Variants in GPSM2 observed in about 807,000 individuals in gnomAD.
GPSM2 encodes G protein-signaling modulator 2.
Under a neutral mutation model 78.4 loss-of-function variants are expected in GPSM2, and 58 were observed. The ratio of observed to expected loss-of-function variants is 0.74; its 90% CI spans 0.60 to 0.92. GPSM2 has a LOEUF of 0.92. Among genes scored for constraint, GPSM2 ranks in the 40% least tolerant of loss-of-function variants. GPSM2 has a pLI of 0.00. For missense variants in GPSM2, 700 were observed against 815.5 expected, an observed-to-expected ratio of 0.86 and a Z score of 1.73; for synonymous variants, 224 against 280.2, an observed-to-expected ratio of 0.80 and a Z score of 2.00.
chr1:108,885,543 C>T lies in GPSM2; in HGVS notation c.21C>T (p.Ser7=). The T allele has an allele frequency of 1.3e-6, 2 of 1,581,274 alleles. No individual in the cohort carries two copies. The highest frequency in any genetic ancestry group is 2.2e-5 in the South Asian group (2 of 90,368). Residue 7 remains serine, a synonymous_variant, in exon 2 of 15, where the codon AGC becomes AGT. Coordinates refer to ENST00000264126, the MANE Select transcript of GPSM2 (RefSeq NM_013296.5). ...ACTCGATGGAGGAAAATTTGATAAG[C>T]ATGAGAGAAGACCATTCTTTTCATG... MEENLI[S]MREDHSFHVR...
rs1238390197 is a variant in GPSM2 at position 108,934,520 on chromosome 1, T to C, written c.*4580T>C. On this transcript the variant is annotated 3_prime_UTR_variant, in exon 15 of 15. Coordinates refer to ENST00000264126, the MANE Select transcript of GPSM2 (RefSeq NM_013296.5). ...CGTGTTTGTTAATTCTAATTGTCAG[T>C]AAAAATGTGAATGTTGAAGTTGAAA... 1.2e-6 allele frequency: 1 copy of C among 860,298 alleles called. No homozygotes were observed. The highest frequency in any genetic ancestry group is 2.9e-5 in the Admixed American group (1 of 34,532). 53.3% of individuals were successfully genotyped at this position (860,298 alleles called of 1,614,324 possible).
intron 5 of GPSM2, 60 bp downstream of exon 5, chr1:108,898,161 C>T: frequency 1.1e-5 from 16 of 1,505,902 alleles, no homozygotes; most frequent in Non-Finnish European, 1.3e-5. Context: ...ATCTGCTGTA[C>T]GTTCTTTATT....
Position 108,922,408 on chromosome 1 carries a change from A to C in GPSM2, c.1441-9A>C. 1 of 1,598,556 alleles carries C rather than the reference A, an allele frequency of 6.3e-7. No homozygotes were observed. The highest frequency in any genetic ancestry group is 8.6e-7 in the Non-Finnish European group (1 of 1,166,048). On this transcript the variant is annotated splice_polypyrimidine_tract_variant and intron_variant, in intron 12 of 14. Transcript: ENST00000264126. ...TTCAAATAAACTAGACTTCCTCTCA[A>C]TATTTTAGAAAATCAGTGCAGATAC...
intron 12 of GPSM2, 100 bp from the exon 13 acceptor site, chr1:108,922,317 T>C (rs1650773030): frequency 1.2e-6 from 1 of 852,926 alleles, no homozygotes; most frequent in Non-Finnish European, 2.0e-6. Flanking sequence ...TTAATCCTCA[T>C]CCTTTACCTT....
chr1:108,922,707 TGTTA>T (rs1490125625), intron 13 of GPSM2, 131 bp downstream of exon 13: 4 of 846,976 alleles, frequency 4.7e-6, no homozygotes, highest in Admixed American at 3.5e-5. Context: ...TCTGAAATGC[TGTTA>T]TTTATACAGT....
intron 1 of GPSM2, among the ~76,000 whole-genome samples, chr1:108,878,011 G>C (rs1317889358): frequency 6.6e-6 from 1 of 152,102 alleles, no homozygotes; most frequent in African/African-American, 2.4e-5. Flanking sequence ...CTTTCTATCG[G>C]GTTTGCATTG....
rs535320298 is a variant in GPSM2, at chr1:108,917,732, G to T, written c.1264-881G>T. Among the ~76,000 whole-genome samples, 9 of 138,212 alleles carry T rather than the reference G, an allele frequency of 6.5e-5. No homozygotes were observed. The East Asian group carries it at 2.1e-3, about 32-fold the overall frequency. The allele number at this position is 138,212 out of a possible 152,430, so 90.7% of individuals were successfully genotyped here. A position where few individuals can be genotyped will look rare whatever the true frequency, so the allele number is the denominator to read the frequency against. On this transcript the variant is annotated intron_variant, in intron 11 of 14. Coordinates refer to ENST00000264126, the MANE Select transcript of GPSM2 (RefSeq NM_013296.5). ...AAATTCCTGGGCTCAAGCAATCCTT[G>T]TGCCTCAGCCTCCTGAGTAGCTGGG...
At chr1:108,915,508 C>T (rs1650135693) in intron 11 of GPSM2, among the ~76,000 whole-genome samples, 1 of 150,822 alleles carries the variant, frequency 6.6e-6, no homozygotes, top group African/African-American at 2.4e-5. Context: ...CTCACTGCAC[C>T]CTCCACCTCC....
chr1:108,885,604 T>G, intron 2 of GPSM2, 26 bp downstream of exon 2: 1 of 1,357,736 alleles, frequency 7.4e-7, no homozygotes, highest in South Asian at 1.2e-5. Flanking sequence ...TCTTAATGGA[T>G]GACTTTTAAT....
intron 2 of GPSM2, among the ~76,000 whole-genome samples, chr1:108,891,668 T>TTC (rs1302120873): frequency 6.7e-6 from 1 of 148,560 alleles, no homozygotes; most frequent in African/African-American, 2.5e-5. Flanking sequence ...CAGCTAATTT[T>TTC]TTTTTTTTTT....
At chr1:108,879,450 T>C (rs1376558788) in intron 1 of GPSM2, among the ~76,000 whole-genome samples, 2 of 152,246 alleles carry the variant, frequency 1.3e-5, no homozygotes, top group Admixed American at 6.5e-5. Flanking sequence ...TCCTGCCTTA[T>C]ATGTTGCTGC....
intron 2 of GPSM2, among the ~76,000 whole-genome samples, chr1:108,893,098 T>C (rs1648090086): frequency 6.6e-6 from 1 of 152,234 alleles, no homozygotes; most frequent in Non-Finnish European, 1.5e-5. Flanking sequence ...CCATTCAATC[T>C]ATAGCTAAGT....
At chr1:108,914,002 G>A (rs1389688885) in intron 10 of GPSM2, among the ~76,000 whole-genome samples, 1 of 152,088 alleles carries the variant, frequency 6.6e-6, no homozygotes, top group Non-Finnish European at 1.5e-5. Context: ...GGAATAAACT[G>A]CTCTACAGAT....
chr1:108,893,275 G>A (rs1417857436), intron 2 of GPSM2, among the ~76,000 whole-genome samples: 6 of 152,162 alleles, frequency 3.9e-5, no homozygotes, highest in Non-Finnish European at 1.5e-5. Flanking sequence ...TTTAAATGTT[G>A]TTCACATGAA....
chr1:108,914,313 T>C (rs761817650), intron 10 of GPSM2, 25 bp from the exon 11 acceptor site: 6 of 1,530,626 alleles, frequency 3.9e-6, no homozygotes, highest in Non-Finnish European at 4.5e-6. Context: ...CCTGGTTTAT[T>C]TGAATTAATT....
chr1:108,887,438 C>T (rs78695355), intron 2 of GPSM2, among the ~76,000 whole-genome samples: 2,403 of 152,288 alleles, frequency 0.016, 36 homozygotes, highest in South Asian at 0.026. Flanking sequence ...CCTCGAGGCC[C>T]AGAGCACCAA....
intron 10 of GPSM2, among the ~76,000 whole-genome samples, chr1:108,911,949 G>A (rs114208558): frequency 1.3e-5 from 2 of 151,786 alleles, no homozygotes. Context: ...GGGACTATAA[G>A]GCACATGCCA....
At chr1:108,911,874 C>T (rs919710522) in intron 10 of GPSM2, among the ~76,000 whole-genome samples, 3 of 143,656 alleles carry the variant, frequency 2.1e-5, no homozygotes, top group African/African-American at 7.9e-5. Flanking sequence ...GGAGTCATCT[C>T]AGCTTACTGC....
intron 11 of GPSM2, among the ~76,000 whole-genome samples, chr1:108,915,042 TTTTCCG>T (rs1650073551): frequency 6.6e-6 from 1 of 152,132 alleles, no homozygotes; most frequent in African/African-American, 2.4e-5. Flanking sequence ...AAGGCTACTT[TTTTCCG>T]TTTCCTTTGA....
Sources: allele counts gnomAD v4.1 joint callset (sites outside exome capture counted in the v4.1 genomes callset), GRCh38; gene constraint gnomAD v4.1.1; transcripts MANE v1.5; gene names NCBI Gene and HGNC (gene_info 2026-07-23, HGNC 2026-07-21).